The following FAM117B variants were observed in gnomAD, a reference collection of about 807,000 sequenced individuals.
FAM117B encodes the protein family with sequence similarity 117 member B, also known as protein FAM117B.
In FAM117B, 22 loss-of-function variants were observed where a neutral mutation model predicts 52.8. That is an observed-to-expected ratio of 0.42 (90% confidence interval 0.30 to 0.59). FAM117B has a LOEUF of 0.59. FAM117B is among the 20% of genes least tolerant of loss of function. The pLI, the probability that FAM117B is intolerant of heterozygous loss-of-function variation, is 0.22. For missense variants in FAM117B, 678 were observed against 802.6 expected, an observed-to-expected ratio of 0.84 and a Z score of 1.88; for synonymous variants, 309 against 324.1, an observed-to-expected ratio of 0.95 and a Z score of 0.50.
intron 4 of FAM117B, among the ~76,000 whole-genome samples, chr2:202,735,950 A>G (rs1370729527): frequency 1.3e-5 from 2 of 152,146 alleles, no homozygotes; most frequent in Admixed American, 6.5e-5. Flanking sequence ...AAGAATTTTA[A>G]AAGTGTGTGG....
At chr2:202,763,176 A>G (rs1054547448) in intron 7 of FAM117B, among the ~76,000 whole-genome samples, 1 of 146,586 alleles carries the variant, frequency 6.8e-6, no homozygotes, top group African/African-American at 2.5e-5. Flanking sequence ...GGTTCGCGCC[A>G]TTCTCCTGCC....
chr2:202,726,368 G>C lies in FAM117B; in HGVS notation c.960+5G>C. ...GCAGCTATTAACCAGTGTCAGGTAAGAGTACCAATACCACAAAATCCAGAA... is the reference window on the plus strand; with the variant it reads ...GCAGCTATTAACCAGTGTCAGGTAACAGTACCAATACCACAAAATCCAGAA... On this transcript the variant is annotated splice_donor_5th_base_variant and intron_variant, in intron 4 of 7. Coordinates refer to ENST00000392238, the MANE Select transcript of FAM117B (RefSeq NM_173511.4). The C allele has an allele frequency of 1.3e-6, 2 of 1,588,882 alleles. No individual in the cohort carries two copies. The highest frequency in any genetic ancestry group is 1.7e-4 in the Middle Eastern group (1 of 5,992).
intron 1 of FAM117B, among the ~76,000 whole-genome samples, chr2:202,674,198 A>G (rs964128315): frequency 6.6e-6 from 1 of 152,208 alleles, no homozygotes; most frequent in Non-Finnish European, 1.5e-5. Flanking sequence ...AATGTATAAA[A>G]TTGTCTATCA....
intron 2 of FAM117B, among the ~76,000 whole-genome samples, chr2:202,716,365 G>A (rs1691056971): frequency 6.6e-6 from 1 of 151,918 alleles, no homozygotes; most frequent in Non-Finnish European, 1.5e-5. Flanking sequence ...GGAGAGTTTA[G>A]TCCATTTTCA....
intron 1 of FAM117B, among the ~76,000 whole-genome samples, chr2:202,675,463 A>AAG (rs1690364501): frequency 6.6e-6 from 1 of 150,628 alleles, no homozygotes; most frequent in African/African-American, 2.4e-5. Flanking sequence ...AAAAAAAAAA[A>AAG]AAAAAGGCCA....
At chr2:202,735,413 A>C (rs1691423906) in intron 4 of FAM117B, among the ~76,000 whole-genome samples, 1 of 152,220 alleles carries the variant, frequency 6.6e-6, no homozygotes, top group Non-Finnish European at 1.5e-5. Context: ...ATAGTGGTGT[A>C]GTCTACAGCT....
At position 202,674,025 on chromosome 2, in the gene FAM117B, AC is replaced by A. The variant is rs56706386; in HGVS notation, c.602-21848del. Among the ~76,000 whole-genome samples the A allele has an allele frequency of 5.8e-3, 862 of 148,364 alleles. 9 individuals carry two copies. Among genetic ancestry groups the A allele is most frequent in the African/African-American group, 0.02 (804 of 40,384 alleles). ...AGGTACCTGAAATGTTCCTCCCTGC[AC>A]CCCCCCCACCTCTGAAATGTTCTTG... On this transcript the variant is annotated intron_variant, in intron 1 of 7. Coordinates refer to ENST00000392238, the MANE Select transcript of FAM117B (RefSeq NM_173511.4).
chr2:202,725,092 A>G, intron 3 of FAM117B, 83 bp downstream of exon 3: 1 of 1,022,746 alleles, frequency 9.8e-7, no homozygotes, highest in South Asian at 1.7e-5. Context: ...GGCAGCAAGG[A>G]TTTGTCGTTT....
At chr2:202,744,662 A>G (rs1450916814) in intron 4 of FAM117B, among the ~76,000 whole-genome samples, 2 of 152,152 alleles carry the variant, frequency 1.3e-5, no homozygotes, top group African/African-American at 4.8e-5. Context: ...TTACCCAGGA[A>G]TAATATCCTT....
intron 1 of FAM117B, among the ~76,000 whole-genome samples, chr2:202,681,271 G>A (rs991333684): frequency 4.6e-5 from 7 of 152,158 alleles, no homozygotes; most frequent in African/African-American, 1.7e-4. Flanking sequence ...AGAACAGGTA[G>A]AGAAAATGGA....
chr2:202,696,132 A>G (rs1026918372), intron 2 of FAM117B, 100 bp downstream of exon 2: 2 of 1,259,714 alleles, frequency 1.6e-6, no homozygotes, highest in Admixed American at 2.7e-5. Flanking sequence ...TTTAGTGTAT[A>G]TTAGAATTAA....
intron 3 of FAM117B, 82 bp downstream of exon 3, chr2:202,725,091 G>A (rs1691219874): frequency 3.9e-6 from 4 of 1,025,974 alleles, no homozygotes; most frequent in Non-Finnish European, 1.4e-6. Flanking sequence ...GGGCAGCAAG[G>A]ATTTGTCGTT....
At chr2:202,718,544 A>G (rs1438114233) in intron 2 of FAM117B, among the ~76,000 whole-genome samples, 2 of 152,132 alleles carry the variant, frequency 1.3e-5, no homozygotes, top group South Asian at 4.1e-4. Flanking sequence ...CATCCTAGGG[A>G]TAAATGCCAC....
intron 1 of FAM117B, among the ~76,000 whole-genome samples, chr2:202,682,884 C>T (rs1012253476): frequency 6.6e-6 from 1 of 151,952 alleles, no homozygotes; most frequent in Admixed American, 6.6e-5. Flanking sequence ...ACAGTTAAAA[C>T]GTGTAGAAGA....
chr2:202,736,392 G>A (rs1166780810), intron 4 of FAM117B, among the ~76,000 whole-genome samples: 1 of 152,136 alleles, frequency 6.6e-6, no homozygotes, highest in Non-Finnish European at 1.5e-5. Context: ...GCCACATGGT[G>A]GTCTGGAGTC....
chr2:202,726,562 A>G (rs1691248290), intron 4 of FAM117B, among the ~76,000 whole-genome samples, 199 bp downstream of exon 4: 1 of 152,238 alleles, frequency 6.6e-6, no homozygotes, highest in Non-Finnish European at 1.5e-5. Flanking sequence ...GACCTAAGAT[A>G]CGACTTCTAG....
intron 6 of FAM117B, 94 bp from the exon 7 acceptor site, chr2:202,759,139 G>A: frequency 1.5e-6 from 2 of 1,354,358 alleles, no homozygotes; most frequent in Non-Finnish European, 2.0e-6. Context: ...CACTGTTCCT[G>A]CCCTCAAGTA....
intron 6 of FAM117B, 31 bp downstream of exon 6, chr2:202,757,469 G>A: frequency 1.9e-6 from 3 of 1,587,436 alleles, no homozygotes; most frequent in Non-Finnish European, 2.6e-6. Context: ...GCTACTAGAT[G>A]ATAATGGAAT....
intron 4 of FAM117B, among the ~76,000 whole-genome samples, chr2:202,754,811 A>G (rs926230749): frequency 2.8e-5 from 4 of 143,374 alleles, no homozygotes; most frequent in African/African-American, 5.1e-5. Flanking sequence ...AGTCGCTTGA[A>G]CATGGGAGGT....
Sources: allele counts gnomAD v4.1 joint callset (sites outside exome capture counted in the v4.1 genomes callset), GRCh38; gene constraint gnomAD v4.1.1; transcripts MANE v1.5; gene names NCBI Gene and HGNC (gene_info 2026-07-23, HGNC 2026-07-21).